CCDC88C: variants seen among roughly 807,000 people sequenced by gnomAD.
CCDC88C encodes the protein protein Daple.
In CCDC88C, 131 loss-of-function variants were observed where a neutral mutation model predicts 198.8. The ratio of observed to expected loss-of-function variants is 0.66; its 90% CI spans 0.57 to 0.76. The LOEUF (loss-of-function observed/expected upper bound fraction) is 0.76, where lower values mean the gene tolerates loss of function less well. Among genes scored for constraint, CCDC88C ranks in the 30% least tolerant of loss-of-function variants. The probability of loss-of-function intolerance (pLI) is 0.00; values close to 1 mark genes in which losing one functional copy is unlikely to be tolerated. For synonymous variants in CCDC88C, 1,166 were observed against 1,114.7 expected (o/e 1.05, Z -0.92); for missense variants, 2,553 against 2,631.6 (o/e 0.97, Z 0.65).
At chr14:91,332,477 T>C (rs1289583608) in intron 10 of CCDC88C, among the ~76,000 whole-genome samples, 1 of 152,248 alleles carries the variant, frequency 6.6e-6, no homozygotes, top group Non-Finnish European at 1.5e-5. Context: ...GTGTTCCATG[T>C]TTTTGTAACC....
At chr14:91,285,584 C>G (rs536322788) in intron 25 of CCDC88C, 2 of 1,203,458 alleles carry the variant, frequency 1.7e-6, no homozygotes, top group South Asian at 2.8e-5. Context: ...GGCCATCTGG[C>G]CTTTTAGACG....
intron 2 of CCDC88C, among the ~76,000 whole-genome samples, chr14:91,414,177 G>C (rs1886929374): frequency 6.6e-6 from 1 of 152,242 alleles, no homozygotes; most frequent in Non-Finnish European, 1.5e-5. Flanking sequence ...AGAACTTTTA[G>C]TTGGTGCCTC....
At chr14:91,412,485 G>GA (rs1886841803) in intron 2 of CCDC88C, among the ~76,000 whole-genome samples, 1 of 151,630 alleles carries the variant, frequency 6.6e-6, no homozygotes, top group Non-Finnish European at 1.5e-5. Context: ...GCCCAGGCTG[G>GA]GTGCAGTGGC....
At chr14:91,343,741 TA>T (rs199800994) in intron 4 of CCDC88C, 84 bp from the exon 5 acceptor site, 157 of 1,509,014 alleles carry the variant, frequency 1.0e-4, no homozygotes, top group East Asian at 1.9e-4. Flanking sequence ...AAAAAACAGA[TA>T]AAAAAAAATC....
At chr14:91,417,198 C>T in intron 1 of CCDC88C, 1 of 703,128 alleles carries the variant, frequency 1.4e-6, no homozygotes. Flanking sequence ...GCCCCCCATT[C>T]CCCACCCGTC....
intron 10 of CCDC88C, among the ~76,000 whole-genome samples, chr14:91,330,310 G>T (rs527868447): frequency 9.8e-5 from 15 of 152,344 alleles, no homozygotes; most frequent in African/African-American, 3.1e-4. Context: ...GAGTGGGGCT[G>T]GGCTGAGGAA....
At chr14:91,402,198 C>T (rs1469660052) in intron 3 of CCDC88C, among the ~76,000 whole-genome samples, 2 of 152,096 alleles carry the variant, frequency 1.3e-5, no homozygotes, top group Admixed American at 1.3e-4. Context: ...ACTGCTTGAG[C>T]CTGAGAGGTT....
chr14:91,331,900 G>A (rs926221704), intron 10 of CCDC88C, among the ~76,000 whole-genome samples: 20 of 152,068 alleles, frequency 1.3e-4, no homozygotes, highest in Non-Finnish European at 2.5e-4. Flanking sequence ...TATACACTGT[G>A]CCCAGGTAGG....
At chr14:91,293,247 GGCCC>G (rs1567054796) in intron 23 of CCDC88C, among the ~76,000 whole-genome samples, 3 of 32,110 alleles carry the variant, frequency 9.3e-5, no homozygotes, top group Admixed American at 4.0e-4. Flanking sequence ...CACCTGCCAT[GGCCC>G]ACCTTCCCAT....
intron 23 of CCDC88C, among the ~76,000 whole-genome samples, chr14:91,292,681 C>T (rs1476134982): frequency 6.6e-6 from 1 of 152,132 alleles, no homozygotes; most frequent in Admixed American, 6.5e-5. Context: ...CACACTGATG[C>T]CAGCACACCA....
At chr14:91,281,931 A>C (rs1337327174) in intron 26 of CCDC88C, among the ~76,000 whole-genome samples, 1 of 152,198 alleles carries the variant, frequency 6.6e-6, no homozygotes, top group Non-Finnish European at 1.5e-5. Flanking sequence ...AAGGAAGAAA[A>C]AGAGGCAAAA....
intron 25 of CCDC88C, among the ~76,000 whole-genome samples, chr14:91,287,636 CTTT>C (rs71120129): frequency 1.3e-4 from 10 of 75,656 alleles, no homozygotes; most frequent in South Asian, 5.4e-4. Context: ...TGCACCAGGT[CTTT>C]TTTTTTTTTT....
At position 91,279,252 on chromosome 14, in the gene CCDC88C, G is replaced by A. The variant is rs1040910288; in HGVS notation, c.4754C>T (p.Pro1585Leu). Reference sequence around the variant, plus strand: ...ACAAGACTTACCTTTTAGGTTAAGAGGTGAGCTGTTGCTGGATGTGTTTCT... The same window carrying A: ...ACAAGACTTACCTTTTAGGTTAAGAAGTGAGCTGTTGCTGGATGTGTTTCT... ...SSRNTSSNSS[P>L]LNLKGSSEQL... Residue 1585 changes from proline to leucine, a missense_variant, in exon 28 of 30, where the codon CCT (proline) becomes CTT (leucine). Transcript: ENST00000389857. The A allele has an allele frequency of 1.9e-6, 3 of 1,599,522 alleles. No individual in the cohort carries two copies. Among genetic ancestry groups the A allele is most frequent in the Non-Finnish European group, 1.7e-6 (2 of 1,171,924 alleles).
chr14:91,341,392 G>T (rs1893305383), intron 6 of CCDC88C, among the ~76,000 whole-genome samples: 1 of 152,130 alleles, frequency 6.6e-6, no homozygotes, highest in South Asian at 2.1e-4. Context: ...GACTCAGTGG[G>T]TCTCTCATGG....
intron 15 of CCDC88C, among the ~76,000 whole-genome samples, chr14:91,311,223 T>C (rs1210741014): frequency 3.9e-5 from 6 of 152,156 alleles, no homozygotes; most frequent in Non-Finnish European, 8.8e-5. Flanking sequence ...GATGCTGGGG[T>C]TGGCTATCGT....
At chr14:91,374,273 C>T (rs1894973600) in intron 3 of CCDC88C, among the ~76,000 whole-genome samples, 1 of 152,234 alleles carries the variant, frequency 6.6e-6, no homozygotes, top group African/African-American at 2.4e-5. Flanking sequence ...CACACTGTGT[C>T]TATTACCTCT....
rs1197970373 is a variant in CCDC88C at position 91,299,913 on chromosome 14, G to A, written c.3779+14C>T. ...GGGGTGCTGCTATGTGCAGGGCCGG[G>A]CGCCGGCGCTCACCTGTCCAGCTCG... is the stretch of plus-strand genomic sequence containing the variant. On this transcript the variant is annotated intron_variant, in intron 21 of 29. Transcript: ENST00000389857. The A allele has an allele frequency of 6.3e-7, 1 of 1,575,314 alleles. No homozygotes were observed. The highest frequency in any genetic ancestry group is 1.3e-5 in the African/African-American group (1 of 74,746).
chr14:91,372,622 G>A (rs1361629959), intron 3 of CCDC88C, among the ~76,000 whole-genome samples: 2 of 150,268 alleles, frequency 1.3e-5, no homozygotes, highest in African/African-American at 4.9e-5. Context: ...CCCATCTTGT[G>A]TCTCTGGCTA....
At chr14:91,328,830 G>A (rs1892685562) in intron 10 of CCDC88C, among the ~76,000 whole-genome samples, 2 of 152,170 alleles carry the variant, frequency 1.3e-5, no homozygotes, top group South Asian at 4.1e-4. Context: ...AGCACCCCCA[G>A]CACTCCCCAC....
Sources: gnomAD v4.1 joint callset for allele counts (sites outside exome capture counted in the v4.1 genomes callset) on GRCh38, gnomAD v4.1.1 for gene constraint, MANE v1.5 for transcripts, NCBI Gene and HGNC (gene_info 2026-07-23, HGNC 2026-07-21) for gene names.